The following KCNQ5 variants were observed in gnomAD, a reference collection of about 807,000 sequenced individuals.
KCNQ5 encodes the protein potassium voltage-gated channel subfamily Q member 5, also known as potassium voltage-gated channel subfamily KQT member 5.
KCNQ5 carries 30 observed loss-of-function variants against 98.2 expected under a neutral mutation model. The observed-to-expected ratio is 0.31, with a 90% CI of 0.23 to 0.41. KCNQ5 has a LOEUF of 0.41. KCNQ5 is among the 10% of genes least tolerant of loss of function. The pLI, the probability that KCNQ5 is intolerant of heterozygous loss-of-function variation, is 1.00. For missense variants in KCNQ5, 835 were observed against 1,182.5 expected, an observed-to-expected ratio of 0.71 and a Z score of 4.31; for synonymous variants, 458 against 449.4, an observed-to-expected ratio of 1.02 and a Z score of -0.24.
intron 1 of KCNQ5, among the ~76,000 whole-genome samples, chr6:72,831,858 T>G (rs919012221): frequency 4.0e-5 from 6 of 151,000 alleles, no homozygotes; most frequent in African/African-American, 1.5e-4. Flanking sequence ...TTTAGTGAGG[T>G]GTGTGGGCCT....
chr6:73,087,713 G>T (rs964962338), intron 5 of KCNQ5, among the ~76,000 whole-genome samples: 1 of 152,106 alleles, frequency 6.6e-6, no homozygotes, highest in Non-Finnish European at 1.5e-5. Context: ...GTTGAAAAGG[G>T]TAAGAGGAGC....
At chr6:73,024,381 T>TTAGATA (rs57909943) in intron 2 of KCNQ5, among the ~76,000 whole-genome samples, 1 of 120,548 alleles carries the variant, frequency 8.3e-6, no homozygotes, top group Non-Finnish European at 1.7e-5. Flanking sequence ...GATAGATAGA[T>TTAGATA]GATAGATAGA....
chr6:72,808,900 C>T (rs1012533166), intron 1 of KCNQ5, among the ~76,000 whole-genome samples: 63 of 152,036 alleles, frequency 4.1e-4, no homozygotes, highest in Non-Finnish European at 7.6e-4. Context: ...GGTATATACC[C>T]AAAGGATTAT....
At chr6:72,941,410 C>T (rs1320898967) in intron 1 of KCNQ5, among the ~76,000 whole-genome samples, 1 of 124,594 alleles carries the variant, frequency 8.0e-6, no homozygotes, top group South Asian at 3.1e-4. Context: ...CTCCTTCCCT[C>T]CCTCCCTTCT....
At chr6:72,718,131 C>T (rs547527695) in intron 1 of KCNQ5, among the ~76,000 whole-genome samples, 1 of 152,252 alleles carries the variant, frequency 6.6e-6, no homozygotes, top group Middle Eastern at 3.4e-3. Context: ...AGAGTTTACC[C>T]TGTATTGCTA....
At chr6:73,103,974 T>A (rs1216523503) in intron 5 of KCNQ5, among the ~76,000 whole-genome samples, 1 of 152,062 alleles carries the variant, frequency 6.6e-6, no homozygotes, top group Non-Finnish European at 1.5e-5. Context: ...ACATAACTCA[T>A]AAATATATAT....
intron 1 of KCNQ5, among the ~76,000 whole-genome samples, chr6:72,769,354 A>G (rs935407682): frequency 6.6e-6 from 1 of 152,148 alleles, no homozygotes; most frequent in Non-Finnish European, 1.5e-5. Context: ...TAAAGTATCA[A>G]AATAAATCTA....
intron 1 of KCNQ5, among the ~76,000 whole-genome samples, chr6:72,777,627 ATATCC>A (rs1227099872): frequency 6.6e-6 from 1 of 152,218 alleles, no homozygotes; most frequent in Non-Finnish European, 1.5e-5. Context: ...AACAAAACTC[ATATCC>A]TTTTGGTCTT....
rs751641588 is a variant in KCNQ5 at position 72,622,571 on chromosome 6, A to G, written c.382A>G (p.Ile128Val). The change falls in exon 1 of 14, where the codon ATC (isoleucine) becomes GTC (valine). Residue 128 changes from isoleucine (I) to valine (V), a missense_variant. Physicochemically the swap from Ile to Val is conservative, Grantham distance 29. Around this residue, in one of 10 missense-constraint regions of KCNQ5, gnomAD observed 19 missense variants for 29.6 expected, o/e 0.64. Transcript: ENST00000370398. The surrounding 1 kb of genome is among the most constrained non-coding windows in gnomAD (Gnocchi z 6.0). ...GGAGAGACCCCGCGGCTGGGCGTTC[A>G]TCTACCACGCTTTCGTGTGAGTACC... is the stretch of plus-strand genomic sequence containing the variant. The part of the protein sequence containing the change: ...VLERPRGWAF[I>V]YHAFVFLLVF... 1.6e-5 allele frequency: 26 copies of G among 1,612,342 alleles called. No homozygotes were observed. Among genetic ancestry groups the G allele is most frequent in the African/African-American group, 2.7e-5 (2 of 74,812 alleles).
At chr6:73,030,023 G>A (rs1199527389) in intron 2 of KCNQ5, among the ~76,000 whole-genome samples, 2 of 151,566 alleles carry the variant, frequency 1.3e-5, no homozygotes, top group African/African-American at 4.8e-5. Context: ...AATCATGACA[G>A]ATTTCATGAA....
chr6:72,643,176 G>C (rs1765415913), intron 1 of KCNQ5, among the ~76,000 whole-genome samples: 3 of 151,960 alleles, frequency 2.0e-5, no homozygotes, highest in Non-Finnish European at 4.4e-5. Flanking sequence ...TTAGTACCTG[G>C]GTAACAAAAT....
chr6:72,689,444 C>T (rs1331507631), intron 1 of KCNQ5, among the ~76,000 whole-genome samples: 1 of 152,208 alleles, frequency 6.6e-6, no homozygotes, highest in Non-Finnish European at 1.5e-5. Flanking sequence ...CAGCATCAAC[C>T]CAGAAAAATT....
chr6:72,672,343 G>C (rs180732201), intron 1 of KCNQ5, among the ~76,000 whole-genome samples: 1 of 151,540 alleles, frequency 6.6e-6, no homozygotes. Context: ...AGTGATCCAC[G>C]CATCTCTGCC....
At chr6:72,920,557 C>T (rs949592453) in intron 1 of KCNQ5, among the ~76,000 whole-genome samples, 2 of 152,172 alleles carry the variant, frequency 1.3e-5, no homozygotes, top group African/African-American at 2.4e-5. Flanking sequence ...TTCTGCCACT[C>T]AGGTGTTATT....
intron 1 of KCNQ5, among the ~76,000 whole-genome samples, chr6:72,974,333 T>C (rs1166473872): frequency 1.3e-5 from 2 of 150,864 alleles, no homozygotes; most frequent in East Asian, 1.9e-4. Flanking sequence ...CCACCCCTGC[T>C]ATAAATCTTT....
intron 1 of KCNQ5, among the ~76,000 whole-genome samples, chr6:72,813,734 A>G (rs2150107149): frequency 6.6e-6 from 1 of 152,318 alleles, no homozygotes; most frequent in Admixed American, 6.5e-5. Flanking sequence ...ACATTCTCTC[A>G]TATACTTTAA....
intron 1 of KCNQ5, among the ~76,000 whole-genome samples, chr6:72,875,849 A>G (rs1778386117): frequency 1.3e-5 from 2 of 152,050 alleles, no homozygotes; most frequent in South Asian, 4.1e-4. Flanking sequence ...TGATTATTTT[A>G]GTGTTTTGAA....
At chr6:72,626,600 T>G (rs890021479) in intron 1 of KCNQ5, among the ~76,000 whole-genome samples, 8 of 152,228 alleles carry the variant, frequency 5.3e-5, no homozygotes, top group Non-Finnish European at 1.2e-4. Context: ...AAGATCTGCC[T>G]TTCATTAGTT....
intron 5 of KCNQ5, among the ~76,000 whole-genome samples, chr6:73,101,369 C>A (rs979373472): frequency 2.6e-5 from 4 of 152,084 alleles, no homozygotes; most frequent in African/African-American, 9.7e-5. Flanking sequence ...CTCATTTTCA[C>A]CACTGTTATT....
Sources: gnomAD v4.1 joint callset for allele counts (sites outside exome capture counted in the v4.1 genomes callset) on GRCh38, gnomAD v4.1.1 for gene constraint, gnomAD v4.1.1 regional missense constraint, Gnocchi (gnomAD v3.1) non-coding constraint, MANE v1.5 for transcripts, NCBI Gene and HGNC (gene_info 2026-07-23, HGNC 2026-07-21) for gene names.